The following MYOM3 variants were observed in gnomAD, a reference collection of about 807,000 sequenced individuals.
MYOM3 encodes myomesin 3, also known as myomesin-3.
In MYOM3, 155 loss-of-function variants were observed where a neutral mutation model predicts 191.7. That is an observed-to-expected ratio of 0.81 (90% CI 0.71 to 0.92). The LOEUF is 0.92. Among genes scored for constraint, MYOM3 ranks in the 40% least tolerant of loss-of-function variants. The probability of loss-of-function intolerance (pLI) is 0.00; values close to 1 mark genes in which losing one functional copy is unlikely to be tolerated. For missense variants in MYOM3, 1,889 were observed against 1,890.6 expected, an observed-to-expected ratio of 1.00 and a Z score of 0.02; for synonymous variants, 757 against 762.9, an observed-to-expected ratio of 0.99 and a Z score of 0.13.
rs568308381 is a variant in MYOM3, at chr1:24,056,700, C to G, written c.*664G>C. The G allele has an allele frequency of 6.6e-6, 1 of 152,536 alleles. No homozygotes were observed. Among genetic ancestry groups the G allele is most frequent in the African/African-American group, 2.4e-5 (1 of 41,456 alleles). 9.4% of individuals were successfully genotyped at this position (152,536 alleles called of 1,614,324 possible). A position where few individuals can be genotyped will look rare whatever the true frequency, so the allele number is the denominator to read the frequency against. ...AAGGTGTTTTCAAAGCCCTACCTCC[C>G]CCTGTTGGGACGACCCTCTGTCTCC... On this transcript the variant is annotated 3_prime_UTR_variant, in exon 37 of 37. Coordinates refer to ENST00000374434, the MANE Select transcript of MYOM3 (RefSeq NM_152372.4).
At chr1:24,058,569 A>G (rs1450076257) in intron 36 of MYOM3, among the ~76,000 whole-genome samples, 1 of 152,252 alleles carries the variant, frequency 6.6e-6, no homozygotes, top group Non-Finnish European at 1.5e-5. Flanking sequence ...AAGCACCATC[A>G]ATAAGTCAGC....
intron 33 of MYOM3, 91 bp from the exon 34 acceptor site, chr1:24,061,400 T>C: frequency 7.7e-7 from 1 of 1,305,652 alleles, no homozygotes. Flanking sequence ...AGCTTATCCC[T>C]GACTGTCCTC....
At chr1:24,059,335 A>C (rs1643340994) in intron 35 of MYOM3, among the ~76,000 whole-genome samples, 1 of 152,136 alleles carries the variant, frequency 6.6e-6, no homozygotes, top group African/African-American at 2.4e-5. Flanking sequence ...GGGTTTCGCC[A>C]TGTTGCCCAG....
rs1456013894 is a variant in MYOM3, at chr1:24,111,486, C to T, written c.-19+545G>A. On this transcript the variant is annotated intron_variant, in intron 1 of 36. Coordinates refer to ENST00000374434, the MANE Select transcript of MYOM3 (RefSeq NM_152372.4). This position sits in a 1 kb window ranked among gnomAD's most constrained non-coding sequence, Gnocchi z 4.7. Reference sequence around the variant, plus strand: ...CCACCAGCTTCCGCGAGGCCGAATCCTGCCCTTGCCAGTCATGAGCTGAGG... The same window carrying T: ...CCACCAGCTTCCGCGAGGCCGAATCTTGCCCTTGCCAGTCATGAGCTGAGG... Among the ~76,000 whole-genome samples, 2 of 152,246 alleles carry T rather than the reference C, an allele frequency of 1.3e-5. No homozygotes were observed. The highest frequency in any genetic ancestry group is 2.9e-5 in the Non-Finnish European group (2 of 68,048).
At chr1:24,110,748 C>T (rs188074279) in intron 1 of MYOM3, among the ~76,000 whole-genome samples, 301 of 152,314 alleles carry the variant, frequency 2.0e-3, no homozygotes, top group African/African-American at 6.8e-3. Context: ...TCGTATCACT[C>T]CCTCCCGATG....
chr1:24,068,404 C>T (rs932093090), intron 25 of MYOM3, 37 bp from the exon 26 acceptor site: 1 of 1,612,332 alleles, frequency 6.2e-7, no homozygotes, highest in Non-Finnish European at 8.5e-7. Context: ...TTTCCCTGTT[C>T]TGGGAACTTT....
Position 24,093,082 on chromosome 1 carries a change from G to C in MYOM3, c.955C>G (p.Arg319Gly). 6.2e-7 allele frequency: 1 copy of C among 1,611,136 alleles called. No individual in the cohort carries two copies. The highest frequency in any genetic ancestry group is 8.5e-7 in the Non-Finnish European group (1 of 1,179,774). ...DGSLLRSSRR[R>G]KILYTDRQAS... is the part of the protein sequence containing the mutation. ...TGGCGGTCTGTGTAGAGGATCTTCC[G>C]ACGTCTCGAGGACCTCAGTAGGCTC... Residue 319 changes from arginine (R) to glycine (G), a missense_variant, in exon 10 of 37, where the codon CGG (arginine) becomes GGG (glycine). Transcript: ENST00000374434.
intron 20 of MYOM3, 90 bp downstream of exon 20, chr1:24,079,926 G>C: frequency 1.7e-6 from 2 of 1,169,316 alleles, no homozygotes; most frequent in South Asian, 3.2e-5. Flanking sequence ...TTAAGTGAGA[G>C]CAGTGATGTC....
chr1:24,093,183 G>C (rs1363262044), intron 9 of MYOM3, 75 bp from the exon 10 acceptor site: 2 of 956,314 alleles, frequency 2.1e-6, no homozygotes, highest in East Asian at 4.9e-5. Flanking sequence ...GAAACTGGGG[G>C]GTCTGGAGAC....
chr1:24,095,114 T>C, intron 8 of MYOM3, 124 bp from the exon 9 acceptor site: 5 of 1,070,914 alleles, frequency 4.7e-6, no homozygotes, highest in South Asian at 1.6e-5. Context: ...GAAGGGGACC[T>C]GGCCTTGGGG....
chr1:24,057,254 C>G lies in MYOM3; in HGVS notation c.*110G>C. ...CTCACATCCTGGGTTCTATCTTGTC[C>G]CCTTTCCTTCTGCCCCACCCCTGTA... On this transcript the variant is annotated 3_prime_UTR_variant, in exon 37 of 37. Coordinates refer to ENST00000374434, the MANE Select transcript of MYOM3 (RefSeq NM_152372.4). 1 of 1,132,132 alleles carries G rather than the reference C, an allele frequency of 8.8e-7. No homozygotes were observed. Among genetic ancestry groups the G allele is most frequent in the Non-Finnish European group, 1.3e-6 (1 of 798,044 alleles). The allele number at this position is 1,132,132 out of a possible 1,614,324, so 70.1% of individuals were successfully genotyped here. A position where few individuals can be genotyped will look rare whatever the true frequency, so the allele number is the denominator to read the frequency against.
Position 24,063,354 on chromosome 1 carries a change from G to T in MYOM3, c.3662-120C>A. The stretch of plus-strand genomic sequence containing the variant: ...TGCTGTGGGGGAAATGCAGTGCTGT[G>T]AAGAGGCGGGATTTTCTCTTCGGTG... On this transcript the variant is annotated intron_variant, in intron 31 of 36. Coordinates refer to ENST00000374434, the MANE Select transcript of MYOM3 (RefSeq NM_152372.4). The surrounding 1 kb of genome is among the most constrained non-coding windows in gnomAD (Gnocchi z 4.5). The T allele has an allele frequency of 7.3e-7, 1 of 1,375,866 alleles. No individual in the cohort carries two copies. Among genetic ancestry groups the T allele is most frequent in the Non-Finnish European group, 1.0e-6 (1 of 967,030 alleles). The allele number at this position is 1,375,866 out of a possible 1,614,324, so 85.2% of individuals were successfully genotyped here.
At chr1:24,082,273 C>A (rs1170727897) in intron 17 of MYOM3, 85 bp from the exon 18 acceptor site, 1 of 1,287,518 alleles carries the variant, frequency 7.8e-7, no homozygotes, top group East Asian at 2.5e-5. Context: ...TGACGAGCCT[C>A]CTCTAGTTGG....
chr1:24,075,336 G>C lies in MYOM3; in HGVS notation c.2841C>G (p.Ile947Met). The change falls in exon 22 of 37, where the codon ATC (isoleucine) becomes ATG (methionine). Residue 947 changes from isoleucine to methionine, a missense_variant. Transcript: ENST00000374434. ...KGPLDPQRVK[I>M]EDKVNKSKVI... ...TCACTTACTTGTTAACTTTATCCTC[G>C]ATCTTGACCCTCTGGGGGTCCAGTG... 6.2e-7 allele frequency: 1 copy of C among 1,612,378 alleles called. No homozygotes were observed. Among genetic ancestry groups the C allele is most frequent in the Non-Finnish European group, 8.5e-7 (1 of 1,179,906 alleles).
chr1:24,101,542 T>C (rs1397141410), intron 5 of MYOM3, among the ~76,000 whole-genome samples: 1 of 151,650 alleles, frequency 6.6e-6, no homozygotes, highest in Non-Finnish European at 1.5e-5. Context: ...AGGCCAGGAG[T>C]TTAAGATCAG....
intron 7 of MYOM3, among the ~76,000 whole-genome samples, chr1:24,097,673 A>G (rs1287257714): frequency 6.6e-6 from 1 of 152,132 alleles, no homozygotes; most frequent in Non-Finnish European, 1.5e-5. Flanking sequence ...CTTGACACCA[A>G]CCCACAGGGA....
chr1:24,075,514 G>T (rs1474506288), intron 21 of MYOM3, 39 bp from the exon 22 acceptor site: 2 of 1,523,824 alleles, frequency 1.3e-6, no homozygotes, highest in African/African-American at 2.8e-5. Flanking sequence ...GGATGTTTAT[G>T]CATAATAAAC....
At chr1:24,072,266 C>T (rs1643541552) in intron 23 of MYOM3, among the ~76,000 whole-genome samples, 1 of 152,178 alleles carries the variant, frequency 6.6e-6, no homozygotes, top group South Asian at 2.1e-4. Flanking sequence ...TCCTTCAAGG[C>T]CTAGATCAAG....
At chr1:24,066,293 G>T in intron 28 of MYOM3, 1 of 708,500 alleles carries the variant, frequency 1.4e-6, no homozygotes, top group Non-Finnish European at 2.6e-6. Context: ...ATTCATCAAT[G>T]TCCTGCCCCA....
Sources: allele counts gnomAD v4.1 joint callset (sites outside exome capture counted in the v4.1 genomes callset), GRCh38; gene constraint gnomAD v4.1.1; non-coding constraint Gnocchi (gnomAD v3.1); transcripts MANE v1.5; gene names NCBI Gene and HGNC (gene_info 2026-07-23, HGNC 2026-07-21).